Variants in ABTB3 observed in about 807,000 individuals in gnomAD.
ABTB3 encodes the protein ankyrin repeat- and BTB/POZ domain-containing protein 3.
chr12:107,534,256 A>G, the ABTB3 span, among the ~76,000 whole-genome samples: 1 of 152,076 alleles, frequency 6.6e-6, no homozygotes, highest in Non-Finnish European at 1.5e-5. Flanking sequence ...ACAAATAAAA[A>G]TGGAAACATA....
At chr12:107,386,010 G>A in the ABTB3 span, among the ~76,000 whole-genome samples, 1 of 140,986 alleles carries the variant, frequency 7.1e-6, no homozygotes, top group Non-Finnish European at 1.5e-5. Flanking sequence ...CCTGTTGTGT[G>A]ACCTTGACCC....
chr12:107,641,938 T>A, the ABTB3 span: 1 of 740,136 alleles, frequency 1.4e-6, no homozygotes, highest in South Asian at 1.5e-5. Context: ...ATAGGAGGGT[T>A]TAAATTAAGA....
the ABTB3 span, among the ~76,000 whole-genome samples, chr12:107,508,675 C>G: frequency 6.6e-6 from 1 of 151,882 alleles, no homozygotes; most frequent in Non-Finnish European, 1.5e-5. Context: ...GTCTTGATCT[C>G]CTGACCTTGT....
the ABTB3 span, among the ~76,000 whole-genome samples, chr12:107,484,311 G>A: frequency 3.7e-4 from 56 of 152,352 alleles, no homozygotes; most frequent in East Asian, 2.5e-3. Flanking sequence ...ATTTGTACAC[G>A]CTGAAGGAGG....
chr12:107,318,912 A>C, the ABTB3 span: 17 of 1,555,402 alleles, frequency 1.1e-5, no homozygotes, highest in Non-Finnish European at 1.4e-5. Context: ...TTTGGCTCCC[A>C]GGCGGCTGCA....
At chr12:107,319,970 C>T in the ABTB3 span, 2 of 1,583,384 alleles carry the variant, frequency 1.3e-6, no homozygotes, top group South Asian at 1.1e-5. Flanking sequence ...CCACGAGGCG[C>T]CCAAGTTCAC....
the ABTB3 span, chr12:107,320,074 C>T: frequency 2.0e-6 from 3 of 1,483,074 alleles, no homozygotes; most frequent in Middle Eastern, 1.8e-4. Context: ...AGAACGCCAG[C>T]GGTAAGTGTC....
the ABTB3 span, among the ~76,000 whole-genome samples, chr12:107,510,429 A>G: frequency 6.6e-6 from 1 of 151,870 alleles, no homozygotes; most frequent in Non-Finnish European, 1.5e-5. Context: ...CCAATGCTAC[A>G]CCATAACCAC....
the ABTB3 span, among the ~76,000 whole-genome samples, chr12:107,436,938 C>G: frequency 6.6e-6 from 1 of 152,060 alleles, no homozygotes. Flanking sequence ...GACACTTTCT[C>G]CCCGCTTCTG....
At chr12:107,581,377 A>C in the ABTB3 span, 1 of 1,218,072 alleles carries the variant, frequency 8.2e-7, no homozygotes, top group East Asian at 3.7e-5. Context: ...CCCTCCAATC[A>C]GAGCCCCGCT....
chr12:107,412,935 G>A, the ABTB3 span, among the ~76,000 whole-genome samples: 1 of 152,128 alleles, frequency 6.6e-6, no homozygotes, highest in Non-Finnish European at 1.5e-5. Context: ...CGTGTCCGGG[G>A]TTGCAACTGG....
the ABTB3 span, among the ~76,000 whole-genome samples, chr12:107,354,273 A>G: frequency 3.3e-5 from 5 of 152,190 alleles, no homozygotes. Context: ...TTTAAGGTAT[A>G]CAAATCAATG....
chr12:107,492,678 C>T, the ABTB3 span, among the ~76,000 whole-genome samples: 2 of 152,234 alleles, frequency 1.3e-5, no homozygotes, highest in South Asian at 2.1e-4. Flanking sequence ...AATGAGTTAA[C>T]GGCCGCTGTG....
At chr12:107,576,430 G>C in the ABTB3 span, among the ~76,000 whole-genome samples, 1 of 152,188 alleles carries the variant, frequency 6.6e-6, no homozygotes. Flanking sequence ...TCTTCTTGGC[G>C]TGCATGGCCA....
At chr12:107,588,414 G>A in the ABTB3 span, among the ~76,000 whole-genome samples, 2 of 152,216 alleles carry the variant, frequency 1.3e-5, no homozygotes, top group Non-Finnish European at 2.9e-5. Flanking sequence ...AGTTGACTCT[G>A]AAGTTTCTAG....
chr12:107,583,009 C>T, the ABTB3 span, among the ~76,000 whole-genome samples: 1 of 152,180 alleles, frequency 6.6e-6, no homozygotes, highest in African/African-American at 2.4e-5. Flanking sequence ...AGTTAGGAGC[C>T]TGGGCTCCAG....
At chr12:107,654,817 C>T in the ABTB3 span, among the ~76,000 whole-genome samples, 2 of 69,280 alleles carry the variant, frequency 2.9e-5, no homozygotes, top group East Asian at 4.7e-4. Context: ...ACATTGTATA[C>T]ACACACACAC....
the ABTB3 span, among the ~76,000 whole-genome samples, chr12:107,456,836 G>A: frequency 6.6e-6 from 1 of 151,672 alleles, no homozygotes; most frequent in Non-Finnish European, 1.5e-5. Flanking sequence ...CGGTGCATGT[G>A]GCCACTTCAG....
the ABTB3 span, among the ~76,000 whole-genome samples, chr12:107,366,394 A>G: frequency 6.6e-6 from 1 of 152,234 alleles, no homozygotes; most frequent in Non-Finnish European, 1.5e-5. Context: ...CTTTACAAGG[A>G]AGAAAAAAGG....
Sources: allele counts gnomAD v4.1 joint callset (sites outside exome capture counted in the v4.1 genomes callset), GRCh38; gene constraint gnomAD v4.1.1; transcripts MANE v1.5; gene names NCBI Gene and HGNC (gene_info 2026-07-23, HGNC 2026-07-21).